The following LARP4B variants were observed in gnomAD, a reference collection of about 807,000 sequenced individuals.
LARP4B encodes the protein la-related protein 4B.
In LARP4B, 12 loss-of-function variants were observed where a neutral mutation model predicts 89.8. The ratio of observed to expected loss-of-function variants is 0.13; its 90% CI spans 0.09 to 0.22. The LOEUF (loss-of-function observed/expected upper bound fraction) is 0.22. LARP4B is among the 10% of genes least tolerant of loss of function. LARP4B has a pLI of 1.00. For synonymous variants in LARP4B, 367 were observed against 363.3 expected (o/e 1.01, Z -0.12); for missense variants, 757 against 947.7 (o/e 0.80, Z 2.64).
chr10:928,102 A>T (rs1000387785), intron 1 of LARP4B, among the ~76,000 whole-genome samples: 4 of 152,028 alleles, frequency 2.6e-5, no homozygotes, highest in Admixed American at 1.3e-4. Context: ...GGCACCTGTA[A>T]TCCCAGCTAC....
At chr10:951,748 C>G in the LARP4B span, among the ~76,000 whole-genome samples, 1 of 152,238 alleles carries the variant, frequency 6.6e-6, no homozygotes, top group African/African-American at 2.4e-5. Context: ...AGAAATTGCA[C>G]CAGCCCAGAA....
the LARP4B span, among the ~76,000 whole-genome samples, chr10:962,313 A>T: frequency 6.6e-6 from 1 of 151,928 alleles, no homozygotes; most frequent in African/African-American, 2.4e-5. Flanking sequence ...AAAAAAAAAA[A>T]AAAAAAAGAA....
rs763673717 is a variant in LARP4B, at chr10:809,910, C to T, written c.*3016G>A. Reference sequence around the variant, plus strand: ...AACTGCAGAGATCCTAATATAGCAACGCAGGACGTTTACGGCCACCCGCCA... The same window carrying T: ...AACTGCAGAGATCCTAATATAGCAATGCAGGACGTTTACGGCCACCCGCCA... On this transcript the variant is annotated 3_prime_UTR_variant, in exon 18 of 18. Coordinates refer to ENST00000316157, the MANE Select transcript of LARP4B (RefSeq NM_015155.3). 15 of 152,258 alleles carry T rather than the reference C, an allele frequency of 9.9e-5. No individual in the cohort carries two copies. Among genetic ancestry groups the T allele is most frequent in the African/African-American group, 1.4e-4 (6 of 41,452 alleles). 9.4% of individuals were successfully genotyped at this position (152,258 alleles called of 1,614,324 possible).
the LARP4B span, among the ~76,000 whole-genome samples, chr10:968,860 T>C: frequency 5.9e-5 from 9 of 152,260 alleles, no homozygotes; most frequent in African/African-American, 2.2e-4. Context: ...TAGGCAGTTC[T>C]ATCTAACTGC....
At chr10:917,392 C>T (rs1169727112) in intron 1 of LARP4B, among the ~76,000 whole-genome samples, 4 of 152,092 alleles carry the variant, frequency 2.6e-5, no homozygotes, top group Admixed American at 6.6e-5. Flanking sequence ...TAATTATATG[C>T]GTTTTAAGTT....
the LARP4B span, among the ~76,000 whole-genome samples, chr10:974,548 G>A: frequency 2.0e-4 from 31 of 152,216 alleles, no homozygotes; most frequent in African/African-American, 6.7e-4. Context: ...CCTTGCTCTC[G>A]GGACTAGAAA....
the LARP4B span, among the ~76,000 whole-genome samples, chr10:941,531 A>T: frequency 4.6e-5 from 7 of 152,086 alleles, no homozygotes; most frequent in African/African-American, 1.7e-4. Context: ...CATGTTGGCC[A>T]GTCTAGTCTT....
intron 5 of LARP4B, among the ~76,000 whole-genome samples, chr10:851,161 G>A (rs1043655909): frequency 1.3e-5 from 2 of 148,606 alleles, no homozygotes; most frequent in African/African-American, 2.5e-5. Context: ...GAGAAAAATC[G>A]ATAAAATGAA....
chr10:833,272 A>AC (rs1364400076), intron 8 of LARP4B, among the ~76,000 whole-genome samples: 1 of 148,316 alleles, frequency 6.7e-6, no homozygotes, highest in African/African-American at 2.5e-5. Context: ...AAAAAAAAAA[A>AC]AAAAAAAAAA....
chr10:848,667 G>A (rs953611609), intron 5 of LARP4B, among the ~76,000 whole-genome samples: 7 of 151,662 alleles, frequency 4.6e-5, no homozygotes, highest in African/African-American at 1.2e-4. Context: ...CAGCAGACTC[G>A]GGAACCTGAA....
At chr10:976,814 CCTAGTAGAAGGTAGGCCTGTCAT>C in the LARP4B span, among the ~76,000 whole-genome samples, 1 of 151,016 alleles carries the variant, frequency 6.6e-6, no homozygotes, top group Non-Finnish European at 1.5e-5. Flanking sequence ...GTGGACCCGG[CCTAGTAGAAGGTAGGCCTGTCAT>C]GTAACGTGTG....
Position 825,128 on chromosome 10 carries a change from T to C in LARP4B, c.1421A>G (p.Glu474Gly). The change falls in exon 13 of 18, where the codon GAG (glutamate) becomes GGG (glycine). Residue 474 changes from glutamate (E) to glycine (G), a missense_variant. Physicochemically the swap from Glu to Gly is moderately conservative, Grantham distance 98. Transcript: ENST00000316157. Reference sequence around the variant, plus strand: ...TGGCTCCACACGCCCAGGCCCAGCCTCTCTCTTGGCATATGCTGAAGGGTT... The same window carrying C: ...TGGCTCCACACGCCCAGGCCCAGCCCCTCTCTTGGCATATGCTGAAGGGTT... ...IQNPSAYAKR[E>G]AGPGRVEPGS... is the part of the protein sequence containing the mutation. 6.2e-7 allele frequency: 1 copy of C among 1,614,234 alleles called. No homozygotes were observed. The highest frequency in any genetic ancestry group is 8.5e-7 in the Non-Finnish European group (1 of 1,180,050).
the LARP4B span, among the ~76,000 whole-genome samples, chr10:963,387 C>T: frequency 6.6e-6 from 1 of 152,318 alleles, no homozygotes; most frequent in East Asian, 1.9e-4. Flanking sequence ...GACATGTGCT[C>T]TGAGGACCAG....
At chr10:917,423 T>C (rs1836851588) in intron 1 of LARP4B, among the ~76,000 whole-genome samples, 1 of 152,216 alleles carries the variant, frequency 6.6e-6, no homozygotes, top group Non-Finnish European at 1.5e-5. Context: ...CGGTTTATTG[T>C]AACAGGACAC....
At position 894,105 on chromosome 10, in the gene LARP4B, CA is replaced by C. The variant is rs1836120136; in HGVS notation, c.-39-8346del. On this transcript the variant is annotated intron_variant, in intron 1 of 17. Transcript: ENST00000316157. ...AATCATTGATGTCTGCTGAAATTAT[CA>C]AGTGAAGAACGTGATGGGAGGTTTC... is the stretch of plus-strand genomic sequence containing the variant. Among the ~76,000 whole-genome samples the C allele has an allele frequency of 5.3e-5, 8 of 152,252 alleles. No individual in the cohort carries two copies. In the South Asian group the frequency reaches 1.7e-3, roughly 32 times the overall value.
chr10:839,482 G>A (rs1411565645), intron 7 of LARP4B, among the ~76,000 whole-genome samples: 1 of 152,090 alleles, frequency 6.6e-6, no homozygotes, highest in African/African-American at 2.4e-5. Flanking sequence ...AAGTATGTGT[G>A]GGACATCTAA....
the LARP4B span, among the ~76,000 whole-genome samples, chr10:948,816 G>A: frequency 6.6e-6 from 1 of 152,214 alleles, no homozygotes; most frequent in Non-Finnish European, 1.5e-5. Context: ...TCAGGCCGTG[G>A]TGTGTGTGCC....
intron 1 of LARP4B, among the ~76,000 whole-genome samples, chr10:923,324 T>C (rs576771673): frequency 6.6e-6 from 1 of 152,318 alleles, no homozygotes; most frequent in South Asian, 2.1e-4. Context: ...AGCAATGAAC[T>C]AGAAATCCAT....
upstream of LARP4B, among the ~76,000 whole-genome samples, chr10:936,529 G>A (rs1304916858): frequency 1.3e-5 from 2 of 152,152 alleles, no homozygotes; most frequent in East Asian, 3.8e-4. Context: ...AGACCAGCCT[G>A]GCCAACATGG....
Sources: gnomAD v4.1 joint callset for allele counts (sites outside exome capture counted in the v4.1 genomes callset) on GRCh38, gnomAD v4.1.1 for gene constraint, MANE v1.5 for transcripts, NCBI Gene and HGNC (gene_info 2026-07-23, HGNC 2026-07-21) for gene names.